Variants in GRM5 observed in about 807,000 individuals in gnomAD.
GRM5 encodes the protein metabotropic glutamate receptor 5.
A neutral mutation model predicts 83.1 loss-of-function variants in GRM5; 19 were observed. The observed-to-expected ratio is 0.23, with a 90% CI of 0.16 to 0.34. GRM5 has a LOEUF of 0.34. GRM5 is among the 10% of genes least tolerant of loss of function. GRM5 has a pLI of 1.00. For missense variants in GRM5, 1,160 were observed against 1,588.3 expected, an observed-to-expected ratio of 0.73 and a Z score of 4.58; for synonymous variants, 675 against 633.6, an observed-to-expected ratio of 1.07 and a Z score of -0.98.
At chr11:88,549,498 G>T (rs114478733) in intron 8 of GRM5, among the ~76,000 whole-genome samples, 6 of 150,478 alleles carry the variant, frequency 4.0e-5, no homozygotes, top group Non-Finnish European at 8.9e-5. Context: ...ACCCCCCAGA[G>T]AACAAACAAC....
chr11:88,575,687 T>C (rs1271036352), intron 7 of GRM5, among the ~76,000 whole-genome samples: 3 of 152,208 alleles, frequency 2.0e-5, no homozygotes, highest in Non-Finnish European at 2.9e-5. Flanking sequence ...CACTGATTGA[T>C]CAGTTGTTTT....
chr11:88,536,308 G>T (rs1357817240), intron 8 of GRM5, among the ~76,000 whole-genome samples: 1 of 152,158 alleles, frequency 6.6e-6, no homozygotes, highest in Non-Finnish European at 1.5e-5. Context: ...ACCTCAGTGG[G>T]CTTATGTGCT....
At chr11:88,780,318 A>G (rs1392841411) in intron 3 of GRM5, among the ~76,000 whole-genome samples, 1 of 152,170 alleles carries the variant, frequency 6.6e-6, no homozygotes, top group Non-Finnish European at 1.5e-5. Context: ...TTTCTAAAAT[A>G]TTTATAAATG....
intron 3 of GRM5, among the ~76,000 whole-genome samples, chr11:88,754,993 GC>G (rs1942366561): frequency 7.1e-6 from 1 of 141,592 alleles, no homozygotes; most frequent in Non-Finnish European, 1.6e-5. Context: ...CTCCTCATAT[GC>G]AAAACAGAGA....
At chr11:88,630,582 CACACACACAT>C (rs1938938142) in intron 4 of GRM5, among the ~76,000 whole-genome samples, 1 of 125,886 alleles carries the variant, frequency 7.9e-6, no homozygotes. Flanking sequence ...CAAACACACA[CACACACACAT>C]ATTATGATGG....
chr11:88,754,011 ACAACAC>A (rs1379188917), intron 3 of GRM5, among the ~76,000 whole-genome samples: 1 of 152,112 alleles, frequency 6.6e-6, no homozygotes, highest in Non-Finnish European at 1.5e-5. Context: ...GGTCCCTCCC[ACAACAC>A]GTGGGAATTA....
rs1449433531 is a variant in GRM5 at position 88,892,382 on chromosome 11, C to A, written c.662-42227G>T. Among the ~76,000 whole-genome samples, 5 of 151,866 alleles carry A rather than the reference C, an allele frequency of 3.3e-5. No individual in the cohort carries two copies. In the East Asian group the frequency reaches 9.7e-4, roughly 29 times the overall value. On this transcript the variant is annotated intron_variant, in intron 2 of 9. Transcript: ENST00000305447. ...TGTCACTTTTTAACATGTCCAGGAC[C>A]TCCAAGTTTATCTTGGGACCTTAAG...
intron 3 of GRM5, among the ~76,000 whole-genome samples, chr11:88,757,729 C>A (rs1223670357): frequency 3.9e-5 from 6 of 152,180 alleles, no homozygotes; most frequent in Non-Finnish European, 8.8e-5. Flanking sequence ...TAGCACCCTG[C>A]TGCAGTCAAT....
At chr11:88,741,971 T>C (rs558423321) in intron 3 of GRM5, among the ~76,000 whole-genome samples, 71 of 152,200 alleles carry the variant, frequency 4.7e-4, no homozygotes, top group African/African-American at 1.7e-3. Context: ...GCAAGATATC[T>C]ACCCCAGTAA....
chr11:88,736,503 C>A (rs1295181694), intron 3 of GRM5, among the ~76,000 whole-genome samples: 3 of 151,976 alleles, frequency 2.0e-5, no homozygotes, highest in African/African-American at 7.2e-5. Flanking sequence ...TGGAGCCCAC[C>A]TTTACTAAAA....
intron 8 of GRM5, among the ~76,000 whole-genome samples, 184 bp downstream of exon 8, chr11:88,566,869 A>C (rs1381360552): frequency 6.6e-6 from 1 of 152,102 alleles, no homozygotes; most frequent in Admixed American, 6.5e-5. Context: ...ACTTGGCCTA[A>C]GTAATTGGAC....
At chr11:88,723,983 G>A (rs1591467935) in intron 3 of GRM5, among the ~76,000 whole-genome samples, 2 of 152,124 alleles carry the variant, frequency 1.3e-5, no homozygotes, top group South Asian at 4.1e-4. Flanking sequence ...CCTAAATAGT[G>A]AACATTATAC....
intron 2 of GRM5, among the ~76,000 whole-genome samples, chr11:89,027,945 C>A (rs1404018476): frequency 6.6e-6 from 1 of 152,082 alleles, no homozygotes; most frequent in Non-Finnish European, 1.5e-5. Flanking sequence ...AGAATTAATG[C>A]CATTTTAAAA....
chr11:88,513,824 G>A (rs1380591195), intron 9 of GRM5, among the ~76,000 whole-genome samples: 2 of 152,184 alleles, frequency 1.3e-5, no homozygotes, highest in African/African-American at 2.4e-5. Context: ...TAATACATAT[G>A]AGGGTACTTT....
At chr11:88,629,981 C>T (rs1251158936) in intron 4 of GRM5, among the ~76,000 whole-genome samples, 1 of 152,170 alleles carries the variant, frequency 6.6e-6, no homozygotes, top group Non-Finnish European at 1.5e-5. Context: ...TTGCTCCAGC[C>T]ACTTTGGTCT....
chr11:88,721,194 C>A lies in GRM5; in HGVS notation c.912-67791G>T, dbSNP rs1941530475. On this transcript the variant is annotated intron_variant, in intron 3 of 9. Coordinates refer to ENST00000305447, the MANE Select transcript of GRM5 (RefSeq NM_001143831.3). ...CACCACGATGGTGATACAAAGCACA[C>A]TCAACAATCGTTGGCTATAACAGTG... Among the ~76,000 whole-genome samples the A allele has an allele frequency of 2.0e-5, 3 of 152,058 alleles. No individual in the cohort carries two copies. The South Asian group carries it at 6.2e-4, about 31-fold the overall frequency.
chr11:89,005,624 T>C (rs867880217), intron 2 of GRM5, among the ~76,000 whole-genome samples: 1 of 152,330 alleles, frequency 6.6e-6, no homozygotes, highest in Middle Eastern at 3.4e-3. Context: ...TATATCTATT[T>C]TTAGAGATTC....
At chr11:88,712,399 T>C (rs1941302435) in intron 3 of GRM5, among the ~76,000 whole-genome samples, 1 of 152,120 alleles carries the variant, frequency 6.6e-6, no homozygotes, top group South Asian at 2.1e-4. Flanking sequence ...TATGGTTTGG[T>C]AGAGAAATGA....
chr11:88,622,385 T>G (rs1938662651), intron 4 of GRM5, among the ~76,000 whole-genome samples: 1 of 152,248 alleles, frequency 6.6e-6, no homozygotes, highest in South Asian at 2.1e-4. Flanking sequence ...CTTTCAACTA[T>G]GCTATCTGCA....
Sources: gnomAD v4.1 joint callset for allele counts (sites outside exome capture counted in the v4.1 genomes callset) on GRCh38, gnomAD v4.1.1 for gene constraint, MANE v1.5 for transcripts, NCBI Gene and HGNC (gene_info 2026-07-23, HGNC 2026-07-21) for gene names.